Variants in ZNF229 observed in about 807,000 individuals in gnomAD.
The protein encoded by ZNF229 is zinc finger protein 229.
In ZNF229, 10 loss-of-function variants were observed where a neutral mutation model predicts 11.8. That is an observed-to-expected ratio of 0.85 (90% CI 0.52 to 1.44). The LOEUF (loss-of-function observed/expected upper bound fraction) is 1.44. Ranked by LOEUF, ZNF229 falls within the 40% of genes most tolerant of loss-of-function variation. ZNF229 has a pLI of 0.00. For synonymous variants in ZNF229, 368 were observed against 374.8 expected, an observed-to-expected ratio of 0.98 and a Z score of 0.21; for missense variants, 1,045 against 1,015.1, an observed-to-expected ratio of 1.03 and a Z score of -0.40.
chr19:44,442,792 C>CCCCCCCCCCAAAA, intron 3 of ZNF229, 22 bp downstream of exon 3: 5 of 1,538,312 alleles, frequency 3.3e-6, no homozygotes, highest in Non-Finnish European at 4.5e-6. Context: ...TCCCCCCACC[C>CCCCCCCCCCAAAA]ACCCCCTCTA....
intron 4 of ZNF229, among the ~76,000 whole-genome samples, chr19:44,437,799 G>T (rs576499594): frequency 6.4e-4 from 97 of 152,270 alleles, no homozygotes; most frequent in Non-Finnish European, 1.1e-3. Flanking sequence ...AAAATAGAAT[G>T]AGATCATATC....
chr19:44,428,337 T>C lies in ZNF229; in HGVS notation c.2444A>G (p.Gln815Arg), dbSNP rs746797302. ...FSYTSGLRNH[Q>R]RVHLGENPYK ...AGGGTTCTCGCCTAAATGCACTCTT[T>C]GGTGGTTCCGCAGACCTGAGGTATA... is the stretch of plus-strand genomic sequence containing the variant. The change falls in exon 6 of 6, where the codon CAA becomes CGA. Residue 815 changes from glutamine (Q) to arginine (R), a missense_variant. Transcript: ENST00000614049. 21 of 1,613,536 alleles carry C rather than the reference T, an allele frequency of 1.3e-5. No homozygotes were observed. The Middle Eastern group carries it at 8.2e-4, about 63-fold the overall frequency.
chr19:44,432,272 A>G lies in ZNF229; in HGVS notation c.188T>C (p.Met63Thr), dbSNP rs774242830. 4 of 1,613,936 alleles carry G rather than the reference A, an allele frequency of 2.5e-6. No individual in the cohort carries two copies. In the South Asian group the frequency reaches 4.4e-5, roughly 18 times the overall value. The change falls in exon 5 of 6, where the codon ATG becomes ACG. Residue 63 changes from methionine (M) to threonine (T), a missense_variant. Transcript: ENST00000614049. Reference protein sequence around the residue: ...STQRQLYQDVMQENFRNLLSV... With the variant: ...STQRQLYQDVTQENFRNLLSV... ...GAGTAGGTTCCTGAAATTCTCCTGC[A>G]TCACATCTTGGTACAGCTGCCTCTG...
intron 4 of ZNF229, among the ~76,000 whole-genome samples, chr19:44,440,271 G>A (rs1247176758): frequency 6.6e-6 from 1 of 151,862 alleles, no homozygotes; most frequent in African/African-American, 2.4e-5. Context: ...GAACACAGTG[G>A]AAAATGGCAA....
At position 44,429,673 on chromosome 19, in the gene ZNF229, C is replaced by A. The variant is rs759690566; in HGVS notation, c.1108G>T (p.Val370Leu). Residue 370 changes from valine (V) to leucine (L), a missense_variant, in exon 6 of 6, where the codon GTG becomes TTG. Physicochemically the swap from Val to Leu is conservative, Grantham distance 32. Coordinates refer to ENST00000614049, the MANE Select transcript of ZNF229 (RefSeq NM_014518.4). ...TTATAGGGTCTCCTTCCTGTGTGCA[C>A]CCCTTGATGAATAAGAAGAACCGAT... The part of the protein sequence containing the change: ...YKSVLLIHQG[V>L]HTGRRPYKCE... 1.2e-6 allele frequency: 2 copies of A among 1,614,108 alleles called. No individual in the cohort carries two copies. The highest frequency in any genetic ancestry group is 1.7e-5 in the Admixed American group (1 of 60,028).
intron 4 of ZNF229, among the ~76,000 whole-genome samples, chr19:44,434,223 T>G (rs1224356734): frequency 6.6e-6 from 1 of 152,176 alleles, no homozygotes; most frequent in East Asian, 1.9e-4. Context: ...TGCCCATGCC[T>G]GCATGTACCC....
rs777691738 is a variant in ZNF229, at chr19:44,442,625, T to C, written c.35-4A>G. 5.0e-6 allele frequency: 8 copies of C among 1,613,904 alleles called. No individual in the cohort carries two copies. The highest frequency in any genetic ancestry group is 3.3e-5 in the Admixed American group (2 of 59,990). Reference sequence around the variant, plus strand: ...GCTGAGGCTTGAGAATGAAGAGCTGTAGGAGGAGAAAGAGGCCATGAGGAG... The same window carrying C: ...GCTGAGGCTTGAGAATGAAGAGCTGCAGGAGGAGAAAGAGGCCATGAGGAG... On this transcript the variant is annotated splice_region_variant and splice_polypyrimidine_tract_variant and intron_variant, in intron 3 of 5. Transcript: ENST00000614049.
intron 4 of ZNF229, among the ~76,000 whole-genome samples, 158 bp from the exon 5 acceptor site, chr19:44,432,524 T>C (rs1971742619): frequency 6.6e-6 from 1 of 150,796 alleles, no homozygotes; most frequent in African/African-American, 2.5e-5. Flanking sequence ...AAATGATGAG[T>C]TCATGTCCTT....
At position 44,429,887 on chromosome 19, in the gene ZNF229, A is replaced by G. The variant is rs752088962; in HGVS notation, c.894T>C (p.Phe298=). 1 of 1,614,046 alleles carries G rather than the reference A, an allele frequency of 6.2e-7. No homozygotes were observed. The highest frequency in any genetic ancestry group is 8.5e-7 in the Non-Finnish European group (1 of 1,180,008). The change falls in exon 6 of 6, where the codon TTT becomes TTC. Residue 298 remains phenylalanine, a synonymous_variant. Coordinates refer to ENST00000614049, the MANE Select transcript of ZNF229 (RefSeq NM_014518.4). ...LKEKLCQYDE[F]SEGLRHSAHL... ...GGGCACTGTGCCTCAAGCCCTCACT[A>G]AACTCATCATATTGACAGAGTTTCT...
rs1248952952 is a variant in ZNF229 at position 44,428,581 on chromosome 19, G to T, written c.2200C>A (p.His734Asn). ...CATCTGTATGGCTTCTCGCCAGTGT[G>T]CACTCTCTTATGACTAAGGAGACCT... Reference protein sequence around the residue: ...GSGLLSHKRVHTGEKPYRCHV... With the variant: ...GSGLLSHKRVNTGEKPYRCHV... The change falls in exon 6 of 6, where the codon CAC becomes AAC. Residue 734 changes from histidine (H) to asparagine (N), a missense_variant. By Grantham distance (68) the His-to-Asn change is moderately conservative. Transcript: ENST00000614049. 1.2e-6 allele frequency: 2 copies of T among 1,613,594 alleles called. No individual in the cohort carries two copies. Among genetic ancestry groups the T allele is most frequent in the African/African-American group, 2.7e-5 (2 of 74,690 alleles).
At chr19:44,446,571 G>C (rs892832072) in intron 2 of ZNF229, among the ~76,000 whole-genome samples, 1 of 152,192 alleles carries the variant, frequency 6.6e-6, no homozygotes, top group Non-Finnish European at 1.5e-5. Flanking sequence ...GTGGTACACA[G>C]AAAATCATCA....
chr19:44,434,966 A>G (rs1971787547), intron 4 of ZNF229, among the ~76,000 whole-genome samples: 1 of 152,002 alleles, frequency 6.6e-6, no homozygotes, highest in South Asian at 2.1e-4. Flanking sequence ...GTCTCACAAG[A>G]TCTGATGGCT....
rs1299627302 is a variant in ZNF229, at chr19:44,426,368, A to G, written c.*1935T>C. ...AAGATACTTTGTTACAAAGTAAAAT[A>G]CATAAAAGTACAACATATGTATTAT... On this transcript the variant is annotated 3_prime_UTR_variant, in exon 6 of 6. Coordinates refer to ENST00000614049, the MANE Select transcript of ZNF229 (RefSeq NM_014518.4). The G allele has an allele frequency of 6.6e-6, 1 of 152,192 alleles. No individual in the cohort carries two copies. The highest frequency in any genetic ancestry group is 1.5e-5 in the Non-Finnish European group (1 of 68,042). The allele number at this position is 152,192 out of a possible 1,614,324, so 9.4% of individuals were successfully genotyped here.
At chr19:44,444,497 T>A (rs1971972192) in intron 2 of ZNF229, among the ~76,000 whole-genome samples, 1 of 152,030 alleles carries the variant, frequency 6.6e-6, no homozygotes, top group Admixed American at 6.5e-5. Flanking sequence ...CACGCTACCC[T>A]CCTACACAAA....
In ZNF229 at chr19:44,428,622, C is replaced by A; in HGVS notation, c.2159G>T (p.Gly720Val). 3.7e-6 allele frequency: 6 copies of A among 1,614,030 alleles called. No individual in the cohort carries two copies. The highest frequency in any genetic ancestry group is 5.1e-6 in the Non-Finnish European group (6 of 1,180,024). The change falls in exon 6 of 6, where the codon GGT (glycine) becomes GTT (valine). Residue 720 changes from glycine (G) to valine (V), a missense_variant. Gly to Val is a moderately radical substitution (Grantham distance 109). Coordinates refer to ENST00000614049, the MANE Select transcript of ZNF229 (RefSeq NM_014518.4). ...AAGGAGACCTGAGCCATATCTGAAACCCTTCCCACATTCACAACAAGTGTA... is the reference window on the plus strand; with the variant it reads ...AAGGAGACCTGAGCCATATCTGAAAACCTTCCCACATTCACAACAAGTGTA... ...KPYTCCECGK[G>V]FRYGSGLLSH...
intron 4 of ZNF229, 108 bp downstream of exon 4, chr19:44,442,455 T>C: frequency 9.2e-7 from 1 of 1,091,098 alleles, no homozygotes; most frequent in Non-Finnish European, 1.4e-6. Flanking sequence ...ACGAGAAATG[T>C]ATTCACCCAA....
chr19:44,430,161 T>C lies in ZNF229; in HGVS notation c.620A>G (p.Asp207Gly). The C allele has an allele frequency of 6.2e-7, 1 of 1,614,126 alleles. No individual in the cohort carries two copies. Among genetic ancestry groups the C allele is most frequent in the Non-Finnish European group, 8.5e-7 (1 of 1,180,038 alleles). Residue 207 changes from aspartate to glycine, a missense_variant, in exon 6 of 6, where the codon GAC becomes GGC. Coordinates refer to ENST00000614049, the MANE Select transcript of ZNF229 (RefSeq NM_014518.4). The stretch of plus-strand genomic sequence containing the variant: ...ACATTTATATACTGTGTCTTCTGTG[T>C]CGAGATTTTTACATCTTTCTTGAAC... ...GDVQERCKNL[D>G]TEDTVYKCNW...
Position 44,428,896 on chromosome 19 carries a change from T to C in ZNF229, c.1885A>G (p.Lys629Glu), listed in dbSNP as rs1206159225. The change falls in exon 6 of 6, where the codon AAA becomes GAA. Residue 629 changes from lysine (K) to glutamate (E), a missense_variant. Coordinates refer to ENST00000614049, the MANE Select transcript of ZNF229 (RefSeq NM_014518.4). ...QRVHTGEKPYKCAECGKGFSY... is the reference protein window; with the variant it reads ...QRVHTGEKPYECAECGKGFSY... ...AAGCCTTTGCCACACTCAGCACATT[T>C]ATAGGGTTTCTCTCCAGTGTGGACC... 1.2e-6 allele frequency: 2 copies of C among 1,613,118 alleles called. No individual in the cohort carries two copies. Among genetic ancestry groups the C allele is most frequent in the East Asian group, 2.2e-5 (1 of 44,786 alleles).
In ZNF229 at chr19:44,428,249, G is replaced by A; in HGVS notation, c.*54C>T. 1.8e-5 allele frequency: 27 copies of A among 1,524,228 alleles called. No homozygotes were observed. Among genetic ancestry groups the A allele is most frequent in the Non-Finnish European group, 2.3e-5 (26 of 1,133,000 alleles). The allele number at this position is 1,524,228 out of a possible 1,614,324, so 94.4% of individuals were successfully genotyped here. A position where few individuals can be genotyped will look rare whatever the true frequency, so the allele number is the denominator to read the frequency against. The stretch of plus-strand genomic sequence containing the variant: ...TTTCCTATGGTTTTTCTCCTGTGTT[G>A]GCTCTCAGATGGATAGAAAGCTCTG... On this transcript the variant is annotated 3_prime_UTR_variant, in exon 6 of 6. Coordinates refer to ENST00000614049, the MANE Select transcript of ZNF229 (RefSeq NM_014518.4).
Sources: allele counts gnomAD v4.1 joint callset (sites outside exome capture counted in the v4.1 genomes callset), GRCh38; gene constraint gnomAD v4.1.1; transcripts MANE v1.5; gene names NCBI Gene and HGNC (gene_info 2026-07-23, HGNC 2026-07-21).